Variants in KCNJ15 observed in about 807,000 individuals in gnomAD.
The protein encoded by KCNJ15 is potassium inwardly rectifying channel subfamily J member 15, also known as ATP-sensitive inward rectifier potassium channel 15.
KCNJ15 carries 14 observed loss-of-function variants against 23.0 expected under a neutral mutation model. That is an observed-to-expected ratio of 0.61 (90% CI 0.40 to 0.95). KCNJ15 has a LOEUF of 0.95. Among genes scored for constraint, KCNJ15 ranks in the 40% least tolerant of loss-of-function variants. KCNJ15 has a pLI of 0.00. For synonymous variants in KCNJ15, 185 were observed against 183.2 expected (o/e 1.01, Z -0.08); for missense variants, 388 against 461.8 (o/e 0.84, Z 1.46).
chr21:38,241,752 A>T (rs953034251), intron 1 of KCNJ15, among the ~76,000 whole-genome samples: 41 of 152,024 alleles, frequency 2.7e-4, no homozygotes, highest in Admixed American at 2.0e-4. Context: ...GGATTGCTTG[A>T]GCTCAGGAGT....
intron 1 of KCNJ15, among the ~76,000 whole-genome samples, chr21:38,257,855 A>G (rs1314543281): frequency 6.6e-6 from 1 of 152,254 alleles, no homozygotes; most frequent in East Asian, 1.9e-4. Flanking sequence ...CTGTAACGCC[A>G]ACGTTTGTCT....
At chr21:38,283,244 A>T (rs911540423) in intron 1 of KCNJ15, among the ~76,000 whole-genome samples, 3 of 152,192 alleles carry the variant, frequency 2.0e-5, no homozygotes, top group African/African-American at 7.2e-5. Context: ...TTACAGTAAA[A>T]TCTGGAATAC....
chr21:38,282,372 G>A (rs1478905102), intron 1 of KCNJ15, among the ~76,000 whole-genome samples: 3 of 152,216 alleles, frequency 2.0e-5, no homozygotes, highest in South Asian at 4.1e-4. Context: ...ATACACAGAG[G>A]AAGTAATTTG....
intron 1 of KCNJ15, among the ~76,000 whole-genome samples, chr21:38,231,774 T>G (rs959410450): frequency 6.6e-6 from 1 of 151,938 alleles, no homozygotes; most frequent in African/African-American, 2.4e-5. Context: ...TCGACTGGTT[T>G]TTTGGATGTT....
At chr21:38,265,721 A>T (rs1297522129) in intron 1 of KCNJ15, among the ~76,000 whole-genome samples, 1 of 152,210 alleles carries the variant, frequency 6.6e-6, no homozygotes, top group Non-Finnish European at 1.5e-5. Context: ...AGAGGTGTGG[A>T]TAGGAAGACA....
intron 1 of KCNJ15, among the ~76,000 whole-genome samples, chr21:38,295,696 G>A (rs973215614): frequency 6.6e-6 from 1 of 152,062 alleles, no homozygotes; most frequent in Non-Finnish European, 1.5e-5. Context: ...ATCACTAAGG[G>A]AATATAACCT....
Position 38,287,484 on chromosome 21 carries a change from G to T in KCNJ15, c.-116-9442G>T, listed in dbSNP as rs538624987. On this transcript the variant is annotated intron_variant, in intron 1 of 2. Coordinates refer to ENST00000398938, the MANE Select transcript of KCNJ15 (RefSeq NM_170736.3). ...CCACTCTGTACTATGCAAATCTATA[G>T]ATACATATATGTAAATAGTACATAT... Among the ~76,000 whole-genome samples the T allele has an allele frequency of 3.3e-5, 5 of 152,266 alleles. No individual in the cohort carries two copies. In the South Asian group the frequency reaches 1.0e-3, roughly 32 times the overall value.
rs1480394941 is a variant in KCNJ15, at chr21:38,275,755, C to T, written c.-117+18570C>T. ...GAAAGTCGCTGATAATTGATAAACC[C>T]TATGGCCCAATCAATTGGGAGTACT... On this transcript the variant is annotated intron_variant, in intron 1 of 2. Coordinates refer to ENST00000398938, the MANE Select transcript of KCNJ15 (RefSeq NM_170736.3). Among the ~76,000 whole-genome samples the T allele has an allele frequency of 2.0e-5, 3 of 152,138 alleles. No homozygotes were observed. The East Asian group carries it at 5.8e-4, about 29-fold the overall frequency.
At chr21:38,240,997 A>G (rs757584903) in intron 1 of KCNJ15, among the ~76,000 whole-genome samples, 3 of 152,228 alleles carry the variant, frequency 2.0e-5, no homozygotes, top group Non-Finnish European at 4.4e-5. Flanking sequence ...AATCTGGTTA[A>G]TTTGTTCAAA....
chr21:38,253,083 T>A (rs2123584705), upstream of KCNJ15, among the ~76,000 whole-genome samples: 1 of 152,252 alleles, frequency 6.6e-6, no homozygotes, highest in Non-Finnish European at 1.5e-5. Flanking sequence ...TAGGATGCTA[T>A]TTTCACTCCA....
chr21:38,281,018 G>A (rs1011132408), intron 1 of KCNJ15, among the ~76,000 whole-genome samples: 1 of 152,168 alleles, frequency 6.6e-6, no homozygotes, highest in Non-Finnish European at 1.5e-5. Context: ...TATGCAGAGT[G>A]TGAGCTTTCA....
chr21:38,274,683 G>T (rs1370606608), intron 1 of KCNJ15, among the ~76,000 whole-genome samples: 1 of 151,866 alleles, frequency 6.6e-6, no homozygotes, highest in Non-Finnish European at 1.5e-5. Flanking sequence ...GTACTTCTTT[G>T]TCCCTCCTCC....
At chr21:38,277,530 C>T (rs1982846662) in intron 1 of KCNJ15, among the ~76,000 whole-genome samples, 1 of 152,170 alleles carries the variant, frequency 6.6e-6, no homozygotes, top group African/African-American at 2.4e-5. Context: ...GCAAACCACT[C>T]TCAGGGAGAA....
intron 1 of KCNJ15, among the ~76,000 whole-genome samples, chr21:38,287,500 T>C (rs775278688): frequency 1.8e-4 from 27 of 152,230 alleles, no homozygotes; most frequent in Non-Finnish European, 3.5e-4. Context: ...TATATGTAAA[T>C]AGTACATATG....
intron 1 of KCNJ15, among the ~76,000 whole-genome samples, chr21:38,278,948 G>T (rs1314388584): frequency 6.6e-6 from 1 of 152,194 alleles, no homozygotes; most frequent in East Asian, 1.9e-4. Context: ...GACTATGAAG[G>T]ATGCTATAGA....
At chr21:38,238,645 A>G (rs544150486) in intron 1 of KCNJ15, 46 of 574,390 alleles carry the variant, frequency 8.0e-5, no homozygotes, top group South Asian at 7.2e-4. Flanking sequence ...GTGGGCTGAC[A>G]CGGAATTGGC....
chr21:38,264,863 G>T (rs1363476896), intron 1 of KCNJ15, among the ~76,000 whole-genome samples: 1 of 152,150 alleles, frequency 6.6e-6, no homozygotes, highest in African/African-American at 2.4e-5. Context: ...CAACAGAGGA[G>T]AAATAGAAAA....
At chr21:38,233,690 C>T (rs1978418660) in intron 1 of KCNJ15, among the ~76,000 whole-genome samples, 1 of 151,998 alleles carries the variant, frequency 6.6e-6, no homozygotes, top group Non-Finnish European at 1.5e-5. Flanking sequence ...GGAATATCAT[C>T]ACTAATTTTA....
intron 1 of KCNJ15, among the ~76,000 whole-genome samples, chr21:38,246,757 G>A (rs1033402197): frequency 6.6e-6 from 1 of 152,222 alleles, no homozygotes; most frequent in African/African-American, 2.4e-5. Context: ...TGAGGAGTGT[G>A]TGTGTGGGTT....
Sources: gnomAD v4.1 joint callset for allele counts (sites outside exome capture counted in the v4.1 genomes callset) on GRCh38, gnomAD v4.1.1 for gene constraint, MANE v1.5 for transcripts, NCBI Gene and HGNC (gene_info 2026-07-23, HGNC 2026-07-21) for gene names.